The following PAPOLA variants were observed in gnomAD, a reference collection of about 807,000 sequenced individuals.
The protein encoded by PAPOLA is polynucleotide adenylyltransferase alpha.
PAPOLA carries 15 observed loss-of-function variants against 100.6 expected under a neutral mutation model. That is an observed-to-expected ratio of 0.15 (90% CI 0.10 to 0.23). The LOEUF is 0.23. Among genes scored for constraint, PAPOLA ranks in the 10% least tolerant of loss-of-function variants. The pLI, the probability that PAPOLA is intolerant of heterozygous loss-of-function variation, is 1.00. For synonymous variants in PAPOLA, 293 were observed against 300.0 expected, an observed-to-expected ratio of 0.98 and a Z score of 0.24; for missense variants, 533 against 884.2, an observed-to-expected ratio of 0.60 and a Z score of 5.04.
chr14:96,522,818 T>C (rs550201651), intron 3 of PAPOLA, among the ~76,000 whole-genome samples: 35 of 152,326 alleles, frequency 2.3e-4, no homozygotes, highest in Non-Finnish European at 4.0e-4. Flanking sequence ...GGAGTTCATT[T>C]GACCCATTTA....
At chr14:96,554,918 A>G (rs1901171226) in intron 17 of PAPOLA, among the ~76,000 whole-genome samples, 1 of 152,094 alleles carries the variant, frequency 6.6e-6, no homozygotes, top group Non-Finnish European at 1.5e-5. Context: ...TGTCTCTTTA[A>G]TATTTATACT....
Position 96,521,409 on chromosome 14 carries a change from C to G in PAPOLA, c.249+337C>G, listed in dbSNP as rs1566840480. 2.0e-5 allele frequency among the ~76,000 whole-genome samples: 3 copies of G among 152,082 alleles called. No individual in the cohort carries two copies. The South Asian group carries it at 6.2e-4, about 32-fold the overall frequency. ...TAAACATATTTGAGACTCTTCTTAC[C>G]TTTTAAGAAATTCTGCCACAGTTAG... is the stretch of plus-strand genomic sequence containing the variant. On this transcript the variant is annotated intron_variant, in intron 3 of 21. Coordinates refer to ENST00000216277, the MANE Select transcript of PAPOLA (RefSeq NM_032632.5).
At chr14:96,514,826 G>A (rs1897340602) in intron 1 of PAPOLA, among the ~76,000 whole-genome samples, 1 of 152,170 alleles carries the variant, frequency 6.6e-6, no homozygotes, top group South Asian at 2.1e-4. Flanking sequence ...AGGTAAATCT[G>A]CAGAGATGCA....
chr14:96,520,095 C>G lies in PAPOLA; in HGVS notation c.49C>G (p.Gln17Glu). The change falls in exon 2 of 22, where the codon CAG becomes GAG. Residue 17 changes from glutamine (Q) to glutamate (E), a missense_variant. Gln to Glu is a conservative substitution (Grantham distance 29, BLOSUM62 2). Transcript: ENST00000216277. ...TQGSQQTQPP[Q>E]KHYGITSPIS... is the part of the protein sequence containing the mutation. Reference sequence around the variant, plus strand: ...GGGATCACAACAAACACAACCGCCACAGAAGCACTATGGCATTACTTCTCC... The same window carrying G: ...GGGATCACAACAAACACAACCGCCAGAGAAGCACTATGGCATTACTTCTCC... The G allele has an allele frequency of 1.2e-6, 2 of 1,613,720 alleles. No homozygotes were observed. The highest frequency in any genetic ancestry group is 1.7e-6 in the Non-Finnish European group (2 of 1,179,742).
intron 12 of PAPOLA, 123 bp downstream of exon 12, chr14:96,537,183 G>A (rs528108766): frequency 6.4e-5 from 42 of 659,272 alleles, no homozygotes; most frequent in Admixed American, 4.3e-4. Flanking sequence ...CTGTCACAAG[G>A]ACATACTGTT....
Position 96,542,396 on chromosome 14 carries a change from AGTTTG to A in PAPOLA, c.1169+106_1169+110del, listed in dbSNP as rs1900064037. ...ATGGGAGGAAGTCCTTAAAACTTCT[AGTTTG>A]GTTTGATTTGTTCACAAATGGAGCT... On this transcript the variant is annotated intron_variant, in intron 13 of 21. Transcript: ENST00000216277. 3.1e-5 allele frequency: 23 copies of A among 733,616 alleles called. No homozygotes were observed. The South Asian group carries it at 4.0e-4, about 13-fold the overall frequency. 45.4% of individuals were successfully genotyped at this position (733,616 alleles called of 1,614,324 possible). A position where few individuals can be genotyped will look rare whatever the true frequency, so the allele number is the denominator to read the frequency against.
At chr14:96,509,965 C>CTT (rs11372552) in intron 1 of PAPOLA, among the ~76,000 whole-genome samples, 1,446 of 84,374 alleles carry the variant, frequency 0.017, 62 homozygotes, top group African/African-American at 0.06. Flanking sequence ...GTGGGAGTTG[C>CTT]TTTTTTTTTT....
chr14:96,560,472 C>T (rs1901749245), intron 19 of PAPOLA, 177 bp from the exon 20 acceptor site: 2 of 515,748 alleles, frequency 3.9e-6, no homozygotes, highest in Non-Finnish European at 6.8e-6. Context: ...GCTACTGAAG[C>T]CAAATTTAAT....
rs887148873 is a variant in PAPOLA at position 96,552,833 on chromosome 14, A to G, written c.1664+211A>G. 1.1e-5 allele frequency: 6 copies of G among 528,056 alleles called. No individual in the cohort carries two copies. In the South Asian group the frequency reaches 1.4e-4, roughly 13 times the overall value. The allele number at this position is 528,056 out of a possible 1,614,324, so 32.7% of individuals were successfully genotyped here. On this transcript the variant is annotated intron_variant, in intron 17 of 21. Transcript: ENST00000216277. Reference sequence around the variant, plus strand: ...TAACATTTTATTTTTGAGACTGATAATGTCTTCAGTCAGATGTGAATGAAT... The same window carrying G: ...TAACATTTTATTTTTGAGACTGATAGTGTCTTCAGTCAGATGTGAATGAAT...
At chr14:96,504,604 G>A (rs1896583021) in intron 1 of PAPOLA, 2 of 152,324 alleles carry the variant, frequency 1.3e-5, no homozygotes, top group Admixed American at 1.3e-4. Flanking sequence ...GGGAGGTTGA[G>A]GTGGGAGGAC....
chr14:96,541,218 A>C (rs1161681931), intron 12 of PAPOLA, among the ~76,000 whole-genome samples: 2 of 152,190 alleles, frequency 1.3e-5, no homozygotes, highest in African/African-American at 4.8e-5. Flanking sequence ...TTTTTTTAAA[A>C]TAAGTTTGGT....
At chr14:96,525,003 T>G (rs1467771118) in intron 3 of PAPOLA, among the ~76,000 whole-genome samples, 1 of 152,224 alleles carries the variant, frequency 6.6e-6, no homozygotes, top group Non-Finnish European at 1.5e-5. Flanking sequence ...AGTCCCCGAT[T>G]CTAACGTGCT....
At chr14:96,563,413 A>T (rs1469716079) in intron 21 of PAPOLA, among the ~76,000 whole-genome samples, 1 of 152,232 alleles carries the variant, frequency 6.6e-6, no homozygotes, top group Non-Finnish European at 1.5e-5. Context: ...TACAGAATAC[A>T]GTAGGCATCT....
At chr14:96,543,433 CTA>C (rs370764997) in intron 14 of PAPOLA, among the ~76,000 whole-genome samples, 1 of 151,928 alleles carries the variant, frequency 6.6e-6, no homozygotes, top group African/African-American at 2.4e-5. Flanking sequence ...AGACTAGACT[CTA>C]TACTTTGTTG....
At chr14:96,553,022 C>T (rs1465986463) in intron 17 of PAPOLA, 3 of 157,294 alleles carry the variant, frequency 1.9e-5, no homozygotes, top group African/African-American at 7.2e-5. Context: ...TTAGGGAAAC[C>T]TGTTTTAGAA....
chr14:96,552,481 A>G lies in PAPOLA; in HGVS notation c.1523A>G (p.His508Arg), dbSNP rs1900920770. ...GATAAAATGTTTTATTGTTTGCAGC[A>G]TTCAACAGAAGGTGTCAAATTGACA... ...PNHVLQKKKK[H>R]STEGVKLTAL... Residue 508 changes from histidine to arginine, a missense_variant and splice_region_variant, in exon 17 of 22, where the codon CAT becomes CGT. By Grantham distance (29) the His-to-Arg change is conservative. Coordinates refer to ENST00000216277, the MANE Select transcript of PAPOLA (RefSeq NM_032632.5). 4.3e-6 allele frequency: 7 copies of G among 1,612,008 alleles called. No individual in the cohort carries two copies. Among genetic ancestry groups the G allele is most frequent in the Non-Finnish European group, 5.9e-6 (7 of 1,178,558 alleles).
Position 96,544,189 on chromosome 14 carries a change from A to T in PAPOLA, c.1330A>T (p.Lys444Ter). Residue 444 changes from lysine (K) to a stop codon, truncating the protein, a stop_gained, in exon 15 of 22, where the codon AAA (lysine) becomes TAA (stop). Coordinates refer to ENST00000216277, the MANE Select transcript of PAPOLA (RefSeq NM_032632.5). LOFTEE classifies it high-confidence loss of function. ...GATGTGGGTGATTGGGTTAGTGTTTAAAAAAACAGAAAACTCTGAAAACCT... is the reference window on the plus strand; with the variant it reads ...GATGTGGGTGATTGGGTTAGTGTTTTAAAAAACAGAAAACTCTGAAAACCT... ...RTMWVIGLVFKKTENSENLSV... is the reference protein window; with the variant it reads ...RTMWVIGLVF 6.2e-7 allele frequency: 1 copy of T among 1,608,784 alleles called. No individual in the cohort carries two copies. The highest frequency in any genetic ancestry group is 8.5e-7 in the Non-Finnish European group (1 of 1,175,354).
chr14:96,536,485 T>A (rs972926520), intron 11 of PAPOLA, among the ~76,000 whole-genome samples: 2 of 152,044 alleles, frequency 1.3e-5, no homozygotes, highest in East Asian at 3.8e-4. Flanking sequence ...AACAGATTGG[T>A]TTGACTGAAA....
intron 3 of PAPOLA, among the ~76,000 whole-genome samples, chr14:96,521,968 T>C (rs377126055): frequency 4.0e-5 from 6 of 151,530 alleles, no homozygotes; most frequent in African/African-American, 1.5e-4. Context: ...TGCCCAACTA[T>C]TGTTTTTATT....
Sources: allele counts gnomAD v4.1 joint callset (sites outside exome capture counted in the v4.1 genomes callset), GRCh38; gene constraint gnomAD v4.1.1; transcripts MANE v1.5; gene names NCBI Gene and HGNC (gene_info 2026-07-23, HGNC 2026-07-21).